Variants in DNAH14 observed in about 807,000 individuals in gnomAD.
DNAH14 encodes dynein axonemal heavy chain 14.
DNAH14 carries 478 observed loss-of-function variants against 520.9 expected under a neutral mutation model. The observed-to-expected ratio is 0.92, with a 90% confidence interval of 0.85 to 0.99. The LOEUF (loss-of-function observed/expected upper bound fraction) is 0.99, where lower values mean the gene tolerates loss of function less well. Among genes scored for constraint, DNAH14 ranks in the 50% least tolerant of loss-of-function variants. The pLI, the probability that DNAH14 is intolerant of heterozygous loss-of-function variation, is 0.00. For synonymous variants in DNAH14, 1,581 were observed against 1,757.2 expected, an observed-to-expected ratio of 0.90 and a Z score of 2.51; for missense variants, 4,831 against 5,234.5, an observed-to-expected ratio of 0.92 and a Z score of 2.38.
chr1:225,063,830 C>T (rs981091424), intron 17 of DNAH14, among the ~76,000 whole-genome samples: 1 of 151,100 alleles, frequency 6.6e-6, no homozygotes, highest in Non-Finnish European at 1.5e-5. Context: ...GAAAACAATG[C>T]CCAAAACATG....
At chr1:225,222,006 C>T (rs1558070624) in intron 41 of DNAH14, among the ~76,000 whole-genome samples, 1 of 152,130 alleles carries the variant, frequency 6.6e-6, no homozygotes, top group African/African-American at 2.4e-5. Flanking sequence ...CTCACTCTCT[C>T]GGCTACTGGA....
At chr1:225,253,096 A>G (rs2092613489) in intron 44 of DNAH14, among the ~76,000 whole-genome samples, 1 of 152,226 alleles carries the variant, frequency 6.6e-6, no homozygotes. Flanking sequence ...CAGAGCTATC[A>G]GAATGCTAAA....
chr1:225,172,333 G>C (rs1256994178), intron 36 of DNAH14, among the ~76,000 whole-genome samples: 2 of 152,162 alleles, frequency 1.3e-5, no homozygotes, highest in Non-Finnish European at 2.9e-5. Flanking sequence ...GTCCCTGTTT[G>C]CAGATGACAT....
chr1:225,327,750 G>GA (rs1278956598), intron 64 of DNAH14, among the ~76,000 whole-genome samples: 23 of 148,284 alleles, frequency 1.6e-4, no homozygotes, highest in South Asian at 8.5e-4. Context: ...ATAGAGAATA[G>GA]AAAAAAAAAT....
At chr1:225,389,149 G>A (rs932444422) in intron 82 of DNAH14, among the ~76,000 whole-genome samples, 2 of 152,200 alleles carry the variant, frequency 1.3e-5, no homozygotes, top group Non-Finnish European at 2.9e-5. Context: ...CACAGGATGT[G>A]GAGCATTTCT....
chr1:225,298,896 A>G (rs546902557), intron 55 of DNAH14, among the ~76,000 whole-genome samples: 1 of 152,162 alleles, frequency 6.6e-6, no homozygotes, highest in Non-Finnish European at 1.5e-5. Flanking sequence ...CCTTTTCTCC[A>G]CAAGGAGAAG....
At chr1:225,295,900 T>G (rs531021507) in intron 55 of DNAH14, among the ~76,000 whole-genome samples, 2 of 152,316 alleles carry the variant, frequency 1.3e-5, no homozygotes, top group East Asian at 3.9e-4. Flanking sequence ...GATATAATAT[T>G]TGATTTATAT....
intron 72 of DNAH14, among the ~76,000 whole-genome samples, chr1:225,352,219 C>T (rs1272096004): frequency 6.6e-6 from 1 of 152,096 alleles, no homozygotes; most frequent in Non-Finnish European, 1.5e-5. Flanking sequence ...TTTAAAATTA[C>T]ATGGGAAAGG....
intron 21 of DNAH14, among the ~76,000 whole-genome samples, chr1:225,092,126 G>A (rs2074454073): frequency 6.6e-6 from 1 of 152,060 alleles, no homozygotes; most frequent in South Asian, 2.1e-4. Context: ...ATAATAGTGA[G>A]AGAATTCAAT....
intron 2 of DNAH14, 137 bp from the exon 3 acceptor site, chr1:224,954,822 G>A: frequency 1.6e-6 from 1 of 622,736 alleles, no homozygotes; most frequent in Non-Finnish European, 2.8e-6. Flanking sequence ...TATGGAGCAT[G>A]TTAACCATAG....
intron 21 of DNAH14, among the ~76,000 whole-genome samples, chr1:225,093,472 G>A (rs2074595968): frequency 6.6e-6 from 1 of 152,094 alleles, no homozygotes; most frequent in African/African-American, 2.4e-5. Flanking sequence ...AGGCTTTCAA[G>A]GAACATACTT....
intron 54 of DNAH14, among the ~76,000 whole-genome samples, chr1:225,288,503 G>A (rs1205933414): frequency 6.6e-6 from 1 of 152,028 alleles, no homozygotes. Context: ...ATCAATTTTG[G>A]TTCATTAATG....
intron 19 of DNAH14, among the ~76,000 whole-genome samples, chr1:225,082,197 T>C (rs919731429): frequency 2.6e-5 from 4 of 151,692 alleles, no homozygotes; most frequent in Non-Finnish European, 4.4e-5. Flanking sequence ...TGTGTGTGTG[T>C]GCACATGCGC....
intron 1 of DNAH14, among the ~76,000 whole-genome samples, chr1:224,947,304 A>G (rs1166076479): frequency 1.3e-5 from 2 of 152,086 alleles, no homozygotes; most frequent in African/African-American, 4.8e-5. Context: ...TCAGTTATTA[A>G]AGCTTTAGTA....
At position 225,367,954 on chromosome 1, in the gene DNAH14, T is replaced by C. The variant is rs1002960736; in HGVS notation, c.12240T>C (p.Asn4080=). ...KKLLFSLCFF[N]AVINERKNYG... ...TTTTATTTAGCCTATGTTTTTTCAA[T>C]GCTGTAATCAATGAAAGAAAAAATT... The change falls in exon 77 of 86, where the codon AAT becomes AAC. Residue 4080 remains asparagine, a synonymous_variant. Transcript: ENST00000682510. 10 of 1,551,472 alleles carry C rather than the reference T, an allele frequency of 6.4e-6. No homozygotes were observed. The African/African-American group carries it at 1.2e-4, about 19-fold the overall frequency.
intron 36 of DNAH14, among the ~76,000 whole-genome samples, chr1:225,174,893 T>C (rs2083145236): frequency 6.6e-6 from 1 of 152,222 alleles, no homozygotes; most frequent in Non-Finnish European, 1.5e-5. Context: ...AAAGGTATGC[T>C]GATTTTTGTA....
At chr1:225,295,230 G>GT (rs1347842261) in intron 55 of DNAH14, among the ~76,000 whole-genome samples, 1 of 151,654 alleles carries the variant, frequency 6.6e-6, no homozygotes, top group Non-Finnish European at 1.5e-5. Flanking sequence ...CTTTGATATT[G>GT]TTTTTTATTA....
rs530828094 is a variant in DNAH14, at chr1:225,060,181, A to G, written c.2424+8386A>G. Reference sequence around the variant, plus strand: ...AGATGTAGATTTGGTCTTTTCACATAGTCCCATATTTCTTGGAGGCTTTGT... The same window carrying G: ...AGATGTAGATTTGGTCTTTTCACATGGTCCCATATTTCTTGGAGGCTTTGT... On this transcript the variant is annotated intron_variant, in intron 17 of 85. Transcript: ENST00000682510. Among the ~76,000 whole-genome samples the G allele has an allele frequency of 2.6e-5, 4 of 152,218 alleles. No individual in the cohort carries two copies. The East Asian group carries it at 7.7e-4, about 29-fold the overall frequency.
chr1:225,322,124 T>C (rs1228219552), intron 61 of DNAH14, among the ~76,000 whole-genome samples: 7 of 130,498 alleles, frequency 5.4e-5, no homozygotes, highest in Non-Finnish European at 6.3e-5. Flanking sequence ...AGTGTCTCAC[T>C]TTGTCGCCCA....
Sources: gnomAD v4.1 joint callset for allele counts (sites outside exome capture counted in the v4.1 genomes callset) on GRCh38, gnomAD v4.1.1 for gene constraint, MANE v1.5 for transcripts, NCBI Gene and HGNC (gene_info 2026-07-23, HGNC 2026-07-21) for gene names.